AFP: variants seen among roughly 807,000 people sequenced by gnomAD.
AFP encodes alpha fetoprotein.
A neutral mutation model predicts 78.9 loss-of-function variants in AFP; 64 were observed. The ratio of observed to expected loss-of-function variants is 0.81; its 90% CI spans 0.66 to 1.00. AFP has a LOEUF of 1.00. Among genes scored for constraint, AFP ranks in the 50% least tolerant of loss-of-function variants. AFP has a pLI of 0.00. For synonymous variants in AFP, 254 were observed against 243.8 expected (o/e 1.04, Z -0.39); for missense variants, 689 against 703.8 (o/e 0.98, Z 0.24).
chr4:73,440,957 A>G (rs1719643866), intron 4 of AFP, 144 bp downstream of exon 4: 1 of 767,212 alleles, frequency 1.3e-6, no homozygotes, highest in East Asian at 2.7e-5. Flanking sequence ...GTCCCAGACA[A>G]GGTAATTAGG....
At chr4:73,445,243 C>G (rs1258778789) in intron 7 of AFP, 121 bp downstream of exon 7, 1 of 1,219,538 alleles carries the variant, frequency 8.2e-7, no homozygotes, top group African/African-American at 1.5e-5. Context: ...AACTAGGTGA[C>G]TCCTTAAATT....
chr4:73,450,437 A>G, intron 10 of AFP, 178 bp from the exon 11 acceptor site: 1 of 803,850 alleles, frequency 1.2e-6, no homozygotes, highest in Non-Finnish European at 2.0e-6. Flanking sequence ...ATAGGAGTAC[A>G]GGGAGTGGTT....
Position 73,443,433 on chromosome 4 carries a change from T to A in AFP, c.702T>A (p.Thr234=), listed in dbSNP as rs746182179. ...TAATGAAAAATTTTGGGACCCGAAC[T>A]TTCCAAGCCATGTAAGTTCAAGTTC... ...CAVMKNFGTR[T]FQAITVTKLS... is the part of the protein sequence containing the mutation. Residue 234 remains threonine (T), a synonymous_variant, in exon 6 of 15, where the codon ACT becomes ACA. Coordinates refer to ENST00000395792, the MANE Select transcript of AFP (RefSeq NM_001134.3). 1.9e-6 allele frequency: 3 copies of A among 1,608,550 alleles called. No individual in the cohort carries two copies. In the African/African-American group the frequency reaches 4.0e-5, roughly 22 times the overall value.
At chr4:73,440,931 T>G in intron 4 of AFP, 118 bp downstream of exon 4, 1 of 1,013,288 alleles carries the variant, frequency 9.9e-7, no homozygotes, top group South Asian at 1.7e-5. Context: ...GTTTCTTTGG[T>G]GTTGTGTCTG....
chr4:73,444,577 C>T (rs1197329978), intron 6 of AFP, among the ~76,000 whole-genome samples: 2 of 152,160 alleles, frequency 1.3e-5, no homozygotes, highest in African/African-American at 2.4e-5. Flanking sequence ...GCACATACGC[C>T]TCCTTTCCTG....
intron 12 of AFP, 100 bp downstream of exon 12, chr4:73,452,724 G>A (rs764824676): frequency 1.9e-5 from 18 of 949,104 alleles, no homozygotes; most frequent in Non-Finnish European, 3.0e-5. Flanking sequence ...CTCACTAACA[G>A]AGCGTTACTC....
intron 12 of AFP, 112 bp downstream of exon 12, chr4:73,452,736 CA>C: frequency 2.3e-6 from 2 of 855,670 alleles, no homozygotes; most frequent in East Asian, 5.3e-5. Flanking sequence ...GCGTTACTCC[CA>C]AAACACTTAA....
chr4:73,444,897 C>G (rs1253642705), intron 6 of AFP, 96 bp from the exon 7 acceptor site: 3 of 1,101,368 alleles, frequency 2.7e-6, no homozygotes, highest in Non-Finnish European at 3.8e-6. Context: ...TCAGTCATTT[C>G]TCTTTGAAAC....
rs567239570 is a variant in AFP, at chr4:73,450,658, T to C, written c.1333T>C (p.Ser445Pro). The change falls in exon 11 of 15, where the codon TCG becomes CCG. Residue 445 changes from serine to proline, a missense_variant. Physicochemically the swap from Ser to Pro is moderately conservative, Grantham distance 74. Transcript: ENST00000395792. ...YTKKAPQLTS[S>P]ELMAITRKMA... ...AAAGAAAGCCCCCCAGCTGACCTCG[T>C]CGGAGCTGATGGCCATCACCAGAAA... 1 of 1,614,184 alleles carries C rather than the reference T, an allele frequency of 6.2e-7. No homozygotes were observed. Among genetic ancestry groups the C allele is most frequent in the Middle Eastern group, 1.6e-4 (1 of 6,062 alleles).
chr4:73,438,345 C>A (rs1560391487), intron 3 of AFP, 39 bp downstream of exon 3: 3 of 1,581,738 alleles, frequency 1.9e-6, no homozygotes, highest in East Asian at 2.3e-5. Flanking sequence ...TGATATTTGA[C>A]AAAAATTTAG....
rs747300521 is a variant in AFP, at chr4:73,453,866, G to T, written c.1754G>T (p.Gly585Val). Reference protein sequence around the residue: ...FSGLLEKCCQGQEQEVCFAEE... With the variant: ...FSGLLEKCCQVQEQEVCFAEE... ...GGCCTGTTGGAGAAATGCTGCCAAG[G>T]CCAGGAACAGGAAGTCTGCTTTGCT... The change falls in exon 13 of 15, where the codon GGC becomes GTC. Residue 585 changes from glycine (G) to valine (V), a missense_variant. By Grantham distance (109) the Gly-to-Val change is moderately radical. Transcript: ENST00000395792. 2 of 1,613,736 alleles carry T rather than the reference G, an allele frequency of 1.2e-6. No homozygotes were observed. The highest frequency in any genetic ancestry group is 1.7e-6 in the Non-Finnish European group (2 of 1,179,748).
At position 73,444,125 on chromosome 4, in the gene AFP, A is replaced by G. The variant is rs549244606; in HGVS notation, c.713+681A>G. 2.0e-5 allele frequency among the ~76,000 whole-genome samples: 3 copies of G among 152,276 alleles called. No homozygotes were observed. The South Asian group carries it at 6.2e-4, about 32-fold the overall frequency. The stretch of plus-strand genomic sequence containing the variant: ...TTAAAGCATATTGTAGACAATGGAA[A>G]TCTAGAATGAAGTTTTTAGTAATAG... On this transcript the variant is annotated intron_variant, in intron 6 of 14. Coordinates refer to ENST00000395792, the MANE Select transcript of AFP (RefSeq NM_001134.3).
intron 4 of AFP, among the ~76,000 whole-genome samples, chr4:73,441,446 T>C (rs1719661156): frequency 1.3e-5 from 2 of 150,806 alleles, no homozygotes. Flanking sequence ...TGGGCGCCTG[T>C]AGTCCCAGCT....
chr4:73,442,731 GAAAA>G (rs1487793292), intron 5 of AFP, among the ~76,000 whole-genome samples: 1 of 151,122 alleles, frequency 6.6e-6, no homozygotes, highest in African/African-American at 2.4e-5. Flanking sequence ...GTAAGTGAAA[GAAAA>G]CGGAGAAAAG....
chr4:73,443,551 T>C (rs569335357), intron 6 of AFP, 107 bp downstream of exon 6: 34 of 811,608 alleles, frequency 4.2e-5, no homozygotes, highest in Non-Finnish European at 6.6e-5. Context: ...TGAAGACCCC[T>C]TTGTGACCCC....
chr4:73,438,483 T>C (rs1161532006), intron 3 of AFP, among the ~76,000 whole-genome samples, 177 bp downstream of exon 3: 1 of 152,126 alleles, frequency 6.6e-6, no homozygotes, highest in Non-Finnish European at 1.5e-5. Context: ...AATAGGTAGT[T>C]ATTATAAAGA....
intron 7 of AFP, among the ~76,000 whole-genome samples, chr4:73,446,621 TC>T (rs1719835522): frequency 8.1e-5 from 3 of 36,976 alleles, no homozygotes; most frequent in Non-Finnish European, 1.8e-4. Context: ...ACGGAATTTC[TC>T]GTGGAGCAGA....
intron 10 of AFP, chr4:73,450,401 C>G: frequency 1.4e-6 from 1 of 697,298 alleles, no homozygotes; most frequent in South Asian, 1.9e-5. Flanking sequence ...CTGGAGTTTG[C>G]TTTTTCATTG....
chr4:73,444,541 A>G (rs1055889734), intron 6 of AFP, among the ~76,000 whole-genome samples: 5 of 152,246 alleles, frequency 3.3e-5, no homozygotes, highest in Middle Eastern at 3.4e-3. Context: ...AATCTGCTCC[A>G]CTTTCTTGTC....
Sources: gnomAD v4.1 joint callset for allele counts (sites outside exome capture counted in the v4.1 genomes callset) on GRCh38, gnomAD v4.1.1 for gene constraint, MANE v1.5 for transcripts, NCBI Gene and HGNC (gene_info 2026-07-23, HGNC 2026-07-21) for gene names.